Variants in PTPN13 observed in about 807,000 individuals in gnomAD.
PTPN13 encodes protein tyrosine phosphatase non-receptor type 13.
A neutral mutation model predicts 284.0 loss-of-function variants in PTPN13; 191 were observed. That is an observed-to-expected ratio of 0.67 (90% CI 0.60 to 0.76). PTPN13 has a LOEUF of 0.76. Among genes scored for constraint, PTPN13 ranks in the 30% least tolerant of loss-of-function variants. The probability of loss-of-function intolerance (pLI) is 0.00; values close to 1 mark genes in which losing one functional copy is unlikely to be tolerated. For synonymous variants in PTPN13, 986 were observed against 1,022.3 expected (o/e 0.96, Z 0.68); for missense variants, 2,797 against 2,939.9 (o/e 0.95, Z 1.12).
intron 35 of PTPN13, 34 bp downstream of exon 35, chr4:86,775,686 CGT>C: frequency 6.8e-7 from 1 of 1,478,682 alleles, no homozygotes; most frequent in Non-Finnish European, 9.3e-7. Context: ...TTTGATTGTG[CGT>C]GTGTGTGCAT....
Position 86,638,409 on chromosome 4 carries a change from C to T in PTPN13, c.115+3038C>T, listed in dbSNP as rs1247164445. 6.6e-5 allele frequency among the ~76,000 whole-genome samples: 10 copies of T among 152,294 alleles called. No homozygotes were observed. In the South Asian group the frequency reaches 1.0e-3, roughly 16 times the overall value. Reference sequence around the variant, plus strand: ...CAAAAGAACAAAGCTGGAGGCATCACGCTACCTGACTTCAAACTATACTAC... The same window carrying T: ...CAAAAGAACAAAGCTGGAGGCATCATGCTACCTGACTTCAAACTATACTAC... On this transcript the variant is annotated intron_variant, in intron 2 of 47. Coordinates refer to ENST00000411767, the MANE Select transcript of PTPN13 (RefSeq NM_080683.3).
chr4:86,764,820 G>T, intron 25 of PTPN13, 96 bp downstream of exon 25: 1 of 1,377,324 alleles, frequency 7.3e-7, no homozygotes. Flanking sequence ...TGCATCAAAA[G>T]GGACACATCA....
At chr4:86,628,523 C>CT (rs1427407648) in intron 1 of PTPN13, among the ~76,000 whole-genome samples, 44 of 122,152 alleles carry the variant, frequency 3.6e-4, no homozygotes, top group Non-Finnish European at 6.2e-4. Context: ...TTATTATACT[C>CT]TAAGTTTTAG....
intron 1 of PTPN13, among the ~76,000 whole-genome samples, chr4:86,629,398 A>T (rs1722210723): frequency 6.6e-6 from 1 of 150,606 alleles, no homozygotes. Flanking sequence ...CCACTATGAG[A>T]TATCATCTCA....
chr4:86,689,216 A>G (rs762288366), intron 5 of PTPN13, 26 bp downstream of exon 5: 132 of 1,581,710 alleles, frequency 8.3e-5, no homozygotes, highest in Non-Finnish European at 9.3e-5. Context: ...AATAGTAAAT[A>G]TAGTCATATT....
chr4:86,811,016 A>G (rs571393363), intron 46 of PTPN13, 30 bp from the exon 47 acceptor site: 79 of 1,597,362 alleles, frequency 4.9e-5, no homozygotes, highest in Non-Finnish European at 6.3e-5. Context: ...TATCCTTTGA[A>G]TCTAACACAT....
chr4:86,769,742 A>G, intron 28 of PTPN13, 27 bp from the exon 29 acceptor site: 1 of 1,440,258 alleles, frequency 6.9e-7, no homozygotes, highest in African/African-American at 1.4e-5. Flanking sequence ...AATAATATCT[A>G]AATTTTTTTT....
chr4:86,782,226 C>T lies in PTPN13; in HGVS notation c.5988C>T (p.Ser1996=). The T allele has an allele frequency of 6.2e-7, 1 of 1,610,128 alleles. No homozygotes were observed. The highest frequency in any genetic ancestry group is 8.5e-7 in the Non-Finnish European group (1 of 1,176,448). Residue 1996 remains serine (S), a synonymous_variant, in exon 37 of 48, where the codon AGC becomes AGT. Coordinates refer to ENST00000411767, the MANE Select transcript of PTPN13 (RefSeq NM_080683.3). The part of the protein sequence containing the change: ...GNGSYSVGSC[S]QPALTPNDSF... ...GTTCCTACAGTGTGGGGTCTTGCAGCCAGCCTGCCCTCACTCCTAATGATT... is the reference window on the plus strand; with the variant it reads ...GTTCCTACAGTGTGGGGTCTTGCAGTCAGCCTGCCCTCACTCCTAATGATT...
At chr4:86,615,724 T>C (rs1480023407) in intron 1 of PTPN13, among the ~76,000 whole-genome samples, 1 of 152,166 alleles carries the variant, frequency 6.6e-6, no homozygotes, top group Non-Finnish European at 1.5e-5. Flanking sequence ...GGTACATATA[T>C]GATACTGAAA....
intron 2 of PTPN13, among the ~76,000 whole-genome samples, chr4:86,651,218 A>C (rs908109984): frequency 1.2e-4 from 19 of 152,176 alleles, no homozygotes; most frequent in Admixed American, 4.6e-4. Flanking sequence ...TCTACCATTG[A>C]TTGATTTGCC....
rs1013179011 is a variant in PTPN13, at chr4:86,766,365, A to G, written c.4244-67A>G. 4.0e-5 allele frequency: 51 copies of G among 1,280,866 alleles called. No individual in the cohort carries two copies. The African/African-American group carries it at 6.8e-4, about 17-fold the overall frequency. The allele number at this position is 1,280,866 out of a possible 1,614,324, so 79.3% of individuals were successfully genotyped here. On this transcript the variant is annotated intron_variant, in intron 26 of 47. Transcript: ENST00000411767. ...CCCTCCTCAAACAAATGAATACGAA[A>G]TAAGACCATAAGATTTAAAAGAACA...
Position 86,685,442 on chromosome 4 carries a change from C to T in PTPN13, c.295-1268C>T, listed in dbSNP as rs192931900. 2.8e-4 allele frequency among the ~76,000 whole-genome samples: 43 copies of T among 152,230 alleles called. 1 individual carries two copies. The highest frequency in any genetic ancestry group is 6.8e-3 in the Middle Eastern group (2 of 294). On this transcript the variant is annotated intron_variant, in intron 3 of 47. Coordinates refer to ENST00000411767, the MANE Select transcript of PTPN13 (RefSeq NM_080683.3). ...TTGACAATATAGTGAGATCCCATCT[C>T]TACAAAAATTTTAAAAGTTAGCCAG...
intron 1 of PTPN13, among the ~76,000 whole-genome samples, chr4:86,625,601 C>G (rs1447505884): frequency 6.6e-6 from 1 of 151,886 alleles, no homozygotes; most frequent in Non-Finnish European, 1.5e-5. Context: ...ATGTCTGGTA[C>G]CACACCACAC....
chr4:86,617,728 T>A (rs1720727176), intron 1 of PTPN13, among the ~76,000 whole-genome samples: 1 of 152,248 alleles, frequency 6.6e-6, no homozygotes, highest in South Asian at 2.1e-4. Context: ...ATACATGTCT[T>A]CTTTTGAGAA....
intron 17 of PTPN13, among the ~76,000 whole-genome samples, chr4:86,745,559 G>A (rs772842546): frequency 3.3e-5 from 5 of 151,934 alleles, no homozygotes; most frequent in Admixed American, 6.6e-5. Context: ...GGTGGATCAC[G>A]AGGTCAGGAG....
chr4:86,798,847 C>T (rs1023008010), intron 41 of PTPN13, among the ~76,000 whole-genome samples: 1 of 152,222 alleles, frequency 6.6e-6, no homozygotes, highest in Non-Finnish European at 1.5e-5. Context: ...ACCACCTTCT[C>T]CATCCTCAAA....
At chr4:86,689,774 C>T (rs1253710174) in intron 5 of PTPN13, 1 of 702,038 alleles carries the variant, frequency 1.4e-6, no homozygotes, top group Admixed American at 2.0e-5. Context: ...CCAAGAATAA[C>T]CAATGCTATA....
At chr4:86,789,745 A>G (rs1027926615) in intron 40 of PTPN13, among the ~76,000 whole-genome samples, 2 of 152,190 alleles carry the variant, frequency 1.3e-5, no homozygotes, top group African/African-American at 2.4e-5. Flanking sequence ...CATAGTGACA[A>G]GAAACTGAAG....
At chr4:86,606,883 T>C (rs993276313) in intron 1 of PTPN13, among the ~76,000 whole-genome samples, 2 of 151,934 alleles carry the variant, frequency 1.3e-5, no homozygotes, top group African/African-American at 4.8e-5. Flanking sequence ...TTGCCTTGAT[T>C]AATAACTGTC....
Sources: allele counts gnomAD v4.1 joint callset (sites outside exome capture counted in the v4.1 genomes callset), GRCh38; gene constraint gnomAD v4.1.1; transcripts MANE v1.5; gene names NCBI Gene and HGNC (gene_info 2026-07-23, HGNC 2026-07-21).